Variants in SAFB2 observed in about 807,000 individuals in gnomAD.
SAFB2 encodes scaffold attachment factor B2.
In SAFB2, 32 loss-of-function variants were observed where a neutral mutation model predicts 100.6. The ratio of observed to expected loss-of-function variants is 0.32; its 90% confidence interval spans 0.24 to 0.43. SAFB2 has a LOEUF of 0.43. Among genes scored for constraint, SAFB2 ranks in the 20% least tolerant of loss-of-function variants. SAFB2 has a pLI of 1.00. For missense variants in SAFB2, 1,185 were observed against 1,163.4 expected (o/e 1.02, Z -0.27); for synonymous variants, 500 against 439.4 (o/e 1.14, Z -1.72).
chr19:5,620,008 C>G (rs902300967), intron 2 of SAFB2, among the ~76,000 whole-genome samples: 1 of 152,162 alleles, frequency 6.6e-6, no homozygotes, highest in African/African-American at 2.4e-5. Context: ...AAATTCACAT[C>G]ATGCATAAGT....
intron 8 of SAFB2, 44 bp downstream of exon 8, chr19:5,610,595 A>C (rs758712180): frequency 2.1e-6 from 3 of 1,427,998 alleles, no homozygotes; most frequent in Non-Finnish European, 2.9e-6. Context: ...TCCCAAAATA[A>C]GGGAACCATA....
Position 5,592,820 on chromosome 19 carries a change from G to A in SAFB2, c.2275C>T (p.Pro759Ser), listed in dbSNP as rs374932798. The change falls in exon 16 of 21, where the codon CCC (proline) becomes TCC (serine). Residue 759 changes from proline (P) to serine (S), a missense_variant. Around this residue, in one of 3 missense-constraint regions of SAFB2, gnomAD observed 740 missense variants for 687.1 expected, o/e 1.08. Coordinates refer to ENST00000252542, the MANE Select transcript of SAFB2 (RefSeq NM_014649.3). ...AMEDRYRADF[P>S]RPDHRFHDFD... is the part of the protein sequence containing the mutation. ...TCGTGAAAGCGGTGGTCTGGCCGGG[G>A]AAAGTCTGCACGATATCGGTCCTCC... The A allele has an allele frequency of 8.7e-6, 14 of 1,614,026 alleles. No individual in the cohort carries two copies. In the African/African-American group the frequency reaches 1.3e-4, roughly 15 times the overall value.
chr19:5,609,817 T>C (rs958478554), intron 9 of SAFB2, among the ~76,000 whole-genome samples, 178 bp downstream of exon 9: 7 of 152,194 alleles, frequency 4.6e-5, no homozygotes, highest in Admixed American at 1.3e-4. Flanking sequence ...TTCCATTTTT[T>C]AGTAAACACA....
At chr19:5,594,525 T>C (rs547564964) in intron 14 of SAFB2, among the ~76,000 whole-genome samples, 2 of 152,124 alleles carry the variant, frequency 1.3e-5, no homozygotes, top group East Asian at 3.9e-4. Context: ...GGGACAAGCC[T>C]CCTTCAAGAC....
chr19:5,609,931 C>A (rs1342432618), intron 9 of SAFB2, 64 bp downstream of exon 9: 12 of 1,406,956 alleles, frequency 8.5e-6, no homozygotes, highest in Non-Finnish European at 1.2e-5. Context: ...AACCACCGTG[C>A]CCAGCAGAGC....
At position 5,622,560 on chromosome 19, in the gene SAFB2, G is replaced by C. The variant is rs2053191214; in HGVS notation, c.156C>G (p.Asn52Lys). The change falls in exon 1 of 21, where the codon AAC becomes AAG. Residue 52 changes from asparagine (N) to lysine (K), a missense_variant. Coordinates refer to ENST00000252542, the MANE Select transcript of SAFB2 (RefSeq NM_014649.3). ...TGAGCCGCTCCATCAGGACGCTCTTGTTGCCGCCCGTGTCCAGGTTCCGCT... is the reference window on the plus strand; with the variant it reads ...TGAGCCGCTCCATCAGGACGCTCTTCTTGCCGCCCGTGTCCAGGTTCCGCT... Reference protein sequence around the residue: ...LKKRNLDTGGNKSVLMERLKK... With the variant: ...LKKRNLDTGGKKSVLMERLKK... 1 of 1,613,248 alleles carries C rather than the reference G, an allele frequency of 6.2e-7. No individual in the cohort carries two copies. Among genetic ancestry groups the C allele is most frequent in the African/African-American group, 1.3e-5 (1 of 74,900 alleles).
chr19:5,604,522 T>C (rs1270334910), intron 11 of SAFB2, 61 bp downstream of exon 11: 3 of 1,279,566 alleles, frequency 2.3e-6, no homozygotes, highest in Non-Finnish European at 3.4e-6. Context: ...TCAAGGCCCA[T>C]GGTGGCTGCC....
At chr19:5,598,007 G>A (rs1163315495) in intron 13 of SAFB2, among the ~76,000 whole-genome samples, 1 of 151,646 alleles carries the variant, frequency 6.6e-6, no homozygotes, top group Non-Finnish European at 1.5e-5. Flanking sequence ...ATGTGTGCCT[G>A]TTGCCTGTAA....
intron 11 of SAFB2, 84 bp from the exon 12 acceptor site, chr19:5,600,344 C>T: frequency 3.2e-6 from 5 of 1,546,508 alleles, no homozygotes; most frequent in African/African-American, 2.8e-5. Context: ...CTCACACATA[C>T]TCAGACGTCC....
intron 18 of SAFB2, 69 bp downstream of exon 18, chr19:5,590,209 T>TG: frequency 8.9e-7 from 1 of 1,119,644 alleles, no homozygotes; most frequent in Non-Finnish European, 1.2e-6. Flanking sequence ...GGGACGTGCC[T>TG]GGCCAGGCAC....
At position 5,590,333 on chromosome 19, in the gene SAFB2, C is replaced by T. The variant is rs140108933; in HGVS notation, c.2470G>A (p.Gly824Ser). 18 of 1,609,942 alleles carry T rather than the reference C, an allele frequency of 1.1e-5. No individual in the cohort carries two copies. Among genetic ancestry groups the T allele is most frequent in the Non-Finnish European group, 1.4e-5 (17 of 1,178,852 alleles). Residue 824 changes from glycine (G) to serine (S), a missense_variant, in exon 18 of 21, where the codon GGC (glycine) becomes AGC (serine). Around this residue, in one of 3 missense-constraint regions of SAFB2, gnomAD observed 740 missense variants for 687.1 expected, o/e 1.08. Transcript: ENST00000252542. ...HGRDSRDGWG[G>S]YGSDKRLSEG... ...CTCAGCCTCTTGTCGGAGCCGTAGC[C>T]CCCCCAGCCATCACGGGAGTCCCGG...
chr19:5,593,843 C>G, intron 15 of SAFB2, 48 bp downstream of exon 15: 1 of 1,406,990 alleles, frequency 7.1e-7, no homozygotes, highest in Non-Finnish European at 9.2e-7. Flanking sequence ...GGGTGAACAC[C>G]GCTGCCACGC....
intron 15 of SAFB2, 27 bp from the exon 16 acceptor site, chr19:5,592,914 C>A: frequency 6.2e-7 from 1 of 1,609,922 alleles, no homozygotes; most frequent in Non-Finnish European, 8.5e-7. Flanking sequence ...TAAAAGAATA[C>A]AAATTCCATT....
At chr19:5,600,048 T>C (rs894073550) in intron 12 of SAFB2, 82 bp downstream of exon 12, 14 of 1,427,804 alleles carry the variant, frequency 9.8e-6, no homozygotes, top group African/African-American at 4.3e-5. Context: ...CAGAGCTTGC[T>C]GTCCTCACCT....
rs559495062 is a variant in SAFB2, at chr19:5,596,061, G to A, written c.1783-564C>T. On this transcript the variant is annotated intron_variant, in intron 13 of 20. Transcript: ENST00000252542. ...GGGCGGATCACAACATCAGGAGTTCGAGACCAGCCTGACCAACATGGTGAA... is the reference window on the plus strand; with the variant it reads ...GGGCGGATCACAACATCAGGAGTTCAAGACCAGCCTGACCAACATGGTGAA... 2.1e-3 allele frequency among the ~76,000 whole-genome samples: 326 copies of A among 152,274 alleles called. 4 individuals carry two copies. The highest frequency in any genetic ancestry group is 7.2e-3 in the African/African-American group (299 of 41,554).
At chr19:5,607,906 G>A (rs972956529) in intron 9 of SAFB2, among the ~76,000 whole-genome samples, 6 of 152,222 alleles carry the variant, frequency 3.9e-5, no homozygotes, top group African/African-American at 1.4e-4. Context: ...CAGGGCCAAA[G>A]GGACAGAAGA....
At chr19:5,612,676 CAA>C (rs755112080) in intron 5 of SAFB2, 109 bp from the exon 6 acceptor site, 41 of 848,414 alleles carry the variant, frequency 4.8e-5, no homozygotes, top group Non-Finnish European at 7.5e-5. Context: ...CCTGTTTCCA[CAA>C]AACTTTCTTG....
chr19:5,621,405 G>A lies in SAFB2; in HGVS notation c.187-9C>T, dbSNP rs757999925. On this transcript the variant is annotated splice_polypyrimidine_tract_variant and intron_variant, in intron 1 of 20. Transcript: ENST00000252542. Reference sequence around the variant, plus strand: ...CCCTCTTCTTTAACCGCCTATTAGGGAGAGATGAGTTTTACAACATCATTA... The same window carrying A: ...CCCTCTTCTTTAACCGCCTATTAGGAAGAGATGAGTTTTACAACATCATTA... The A allele has an allele frequency of 3.2e-6, 5 of 1,578,824 alleles. No individual in the cohort carries two copies. In the African/African-American group the frequency reaches 4.0e-5, roughly 13 times the overall value.
intron 11 of SAFB2, 63 bp downstream of exon 11, chr19:5,604,520 C>T (rs1210931808): frequency 1.7e-5 from 21 of 1,249,084 alleles, no homozygotes; most frequent in East Asian, 1.2e-4. Context: ...TTTCAAGGCC[C>T]ATGGTGGCTG....
Sources: allele counts gnomAD v4.1 joint callset (sites outside exome capture counted in the v4.1 genomes callset), GRCh38; gene constraint gnomAD v4.1.1; regional missense constraint gnomAD v4.1.1; transcripts MANE v1.5; gene names NCBI Gene and HGNC (gene_info 2026-07-23, HGNC 2026-07-21).